CAMK2D: variants seen among roughly 807,000 people sequenced by gnomAD.
CAMK2D encodes calcium/calmodulin-dependent protein kinase type II subunit delta.
CAMK2D carries 37 observed loss-of-function variants against 84.0 expected under a neutral mutation model. The ratio of observed to expected loss-of-function variants is 0.44; its 90% confidence interval spans 0.34 to 0.58. The LOEUF (loss-of-function observed/expected upper bound fraction) is 0.58, where lower values mean the gene tolerates loss of function less well. Ranked by LOEUF, CAMK2D falls within the 20% of genes least tolerant of loss-of-function variation. The probability of loss-of-function intolerance (pLI) is 0.02; values close to 1 mark genes in which losing one functional copy is unlikely to be tolerated. For synonymous variants in CAMK2D, 202 were observed against 212.5 expected, an observed-to-expected ratio of 0.95 and a Z score of 0.43; for missense variants, 448 against 652.5, an observed-to-expected ratio of 0.69 and a Z score of 3.41.
intron 19 of CAMK2D, among the ~76,000 whole-genome samples, chr4:113,456,298 T>C (rs2097302893): frequency 6.6e-6 from 1 of 152,198 alleles, no homozygotes; most frequent in African/African-American, 2.4e-5. Context: ...CAGGTGATCC[T>C]GGTGAGAGAA....
intron 4 of CAMK2D, among the ~76,000 whole-genome samples, chr4:113,582,003 C>T (rs1206796327): frequency 1.3e-5 from 2 of 152,138 alleles, no homozygotes; most frequent in Admixed American, 1.3e-4. Flanking sequence ...CTGCTCAATT[C>T]TCCTTCCTTC....
intron 2 of CAMK2D, chr4:113,755,141 C>T: frequency 2.4e-6 from 2 of 827,116 alleles, no homozygotes; most frequent in Non-Finnish European, 2.9e-6. Context: ...TTTAACATCC[C>T]TTTTACAACA....
At chr4:113,511,299 G>A (rs2154162722) in intron 12 of CAMK2D, among the ~76,000 whole-genome samples, 1 of 152,226 alleles carries the variant, frequency 6.6e-6, no homozygotes, top group South Asian at 2.1e-4. Flanking sequence ...ATTTTGAAGT[G>A]ATGGATTAAA....
chr4:113,701,333 A>G (rs2099416903), intron 2 of CAMK2D, among the ~76,000 whole-genome samples: 1 of 152,154 alleles, frequency 6.6e-6, no homozygotes, highest in South Asian at 2.1e-4. Flanking sequence ...TTGGAATGCT[A>G]TTCATCTTTT....
chr4:113,466,684 A>G (rs573251421), intron 16 of CAMK2D, among the ~76,000 whole-genome samples: 240 of 152,338 alleles, frequency 1.6e-3, no homozygotes, highest in Non-Finnish European at 2.5e-3. Flanking sequence ...TTCTATTCCT[A>G]GCCCATAATT....
At chr4:113,634,561 G>A (rs569290660) in intron 3 of CAMK2D, among the ~76,000 whole-genome samples, 1 of 152,292 alleles carries the variant, frequency 6.6e-6, no homozygotes, top group South Asian at 2.1e-4. Flanking sequence ...TCCAAGGAAT[G>A]ACATTTGTAA....
chr4:113,752,725 C>T (rs1017726515), intron 2 of CAMK2D, among the ~76,000 whole-genome samples: 5 of 152,158 alleles, frequency 3.3e-5, no homozygotes, highest in African/African-American at 1.2e-4. Context: ...CTGAACTCCT[C>T]TTTAACCATT....
chr4:113,673,948 C>T (rs2099306186), intron 2 of CAMK2D, among the ~76,000 whole-genome samples: 1 of 152,128 alleles, frequency 6.6e-6, no homozygotes, highest in South Asian at 2.1e-4. Context: ...TAAAGTTGTT[C>T]CCACTTGCAT....
intron 4 of CAMK2D, among the ~76,000 whole-genome samples, chr4:113,587,689 C>T (rs376982154): frequency 6.6e-6 from 1 of 152,056 alleles, no homozygotes; most frequent in Non-Finnish European, 1.5e-5. Flanking sequence ...AGTGTTCTTC[C>T]TTCTCCAGAC....
At chr4:113,583,486 T>G (rs926653236) in intron 4 of CAMK2D, among the ~76,000 whole-genome samples, 6 of 151,510 alleles carry the variant, frequency 4.0e-5, no homozygotes, top group Non-Finnish European at 7.4e-5. Flanking sequence ...GAGTTGCAAC[T>G]TGGACTCAAC....
chr4:113,578,456 T>G lies in CAMK2D; in HGVS notation c.276-26360A>C, dbSNP rs910818472. ...CACTCTGTTCCATCTCGGAATTGTT[T>G]GTTTTTTATACTGGAGACAAGTTTT... is the stretch of plus-strand genomic sequence containing the variant. On this transcript the variant is annotated intron_variant, in intron 4 of 20. Transcript: ENST00000511664. 3.9e-4 allele frequency among the ~76,000 whole-genome samples: 60 copies of G among 152,202 alleles called. 1 individual carries two copies. The highest frequency in any genetic ancestry group is 2.9e-5 in the Non-Finnish European group (2 of 68,038).
At chr4:113,633,700 G>C (rs1185835248) in intron 3 of CAMK2D, among the ~76,000 whole-genome samples, 1 of 152,130 alleles carries the variant, frequency 6.6e-6, no homozygotes, top group Non-Finnish European at 1.5e-5. Flanking sequence ...CCACAAGCAG[G>C]ATACCTGGCA....
chr4:113,704,971 C>T (rs988327725), intron 2 of CAMK2D, among the ~76,000 whole-genome samples: 11 of 151,856 alleles, frequency 7.2e-5, no homozygotes, highest in South Asian at 2.1e-4. Context: ...ATTTCTTTGG[C>T]GCTCAGTTGC....
At chr4:113,527,975 A>G (rs887108892) in intron 8 of CAMK2D, among the ~76,000 whole-genome samples, 3 of 152,110 alleles carry the variant, frequency 2.0e-5, no homozygotes, top group Non-Finnish European at 4.4e-5. Flanking sequence ...TGGCAGAGTA[A>G]AATATGATTC....
chr4:113,557,526 A>G (rs1382057215), intron 4 of CAMK2D, among the ~76,000 whole-genome samples: 4 of 152,170 alleles, frequency 2.6e-5, no homozygotes, highest in African/African-American at 9.7e-5. Context: ...GTCAAATTTG[A>G]AAGTAAGTGG....
intron 16 of CAMK2D, among the ~76,000 whole-genome samples, chr4:113,492,376 T>G (rs1000030133): frequency 1.3e-5 from 2 of 152,360 alleles, no homozygotes; most frequent in Admixed American, 1.3e-4. Flanking sequence ...AACATCTTTA[T>G]TTCTGCCTTC....
intron 2 of CAMK2D, among the ~76,000 whole-genome samples, chr4:113,747,989 A>C (rs554660194): frequency 6.6e-6 from 1 of 152,248 alleles, no homozygotes. Context: ...GCTTCTCGTG[A>C]GTATTTTTTC....
rs2098268834 is a variant in CAMK2D, at chr4:113,515,205, A to AATT, written c.697-17_697-15dup. On this transcript the variant is annotated splice_polypyrimidine_tract_variant and intron_variant, in intron 9 of 20. Transcript: ENST00000511664. The stretch of plus-strand genomic sequence containing the variant: ...TGGTGATGGAAACTTCAAAAATATA[A>AATT]ATTTATAAAAAGTTTAAAAAATAGA... 1.3e-6 allele frequency: 2 copies of AATT among 1,573,330 alleles called. No homozygotes were observed. Among genetic ancestry groups the AATT allele is most frequent in the African/African-American group, 2.7e-5 (2 of 72,842 alleles).
chr4:113,629,063 T>A (rs933880691), intron 3 of CAMK2D, among the ~76,000 whole-genome samples: 1 of 152,014 alleles, frequency 6.6e-6, no homozygotes, highest in Non-Finnish European at 1.5e-5. Context: ...AACTCAGCAG[T>A]GCACTGGAAT....
Sources: gnomAD v4.1 joint callset for allele counts (sites outside exome capture counted in the v4.1 genomes callset) on GRCh38, gnomAD v4.1.1 for gene constraint, MANE v1.5 for transcripts, NCBI Gene and HGNC (gene_info 2026-07-23, HGNC 2026-07-21) for gene names.